Variants in EPHB1 observed in about 807,000 individuals in gnomAD.
EPHB1 encodes the protein EPH receptor B1, also known as ephrin type-B receptor 1.
A neutral mutation model predicts 94.4 loss-of-function variants in EPHB1; 30 were observed. The observed-to-expected ratio is 0.32, with a 90% CI of 0.24 to 0.43. The LOEUF is 0.43. EPHB1 is among the 20% of genes least tolerant of loss of function. EPHB1 has a pLI of 1.00. For synonymous variants in EPHB1, 522 were observed against 489.1 expected (o/e 1.07, Z -0.89); for missense variants, 1,055 against 1,308.3 (o/e 0.81, Z 2.99).
chr3:134,903,647 G>T (rs1299996731), intron 1 of EPHB1, among the ~76,000 whole-genome samples: 4 of 152,114 alleles, frequency 2.6e-5, no homozygotes, highest in Non-Finnish European at 1.5e-5. Context: ...GACTGTGTAC[G>T]CCTGGACCAG....
At chr3:134,799,757 T>C (rs910438249) in intron 1 of EPHB1, among the ~76,000 whole-genome samples, 9 of 152,206 alleles carry the variant, frequency 5.9e-5, no homozygotes, top group Admixed American at 2.0e-4. Context: ...GCCCCTACTT[T>C]GTTTTTTCAC....
At chr3:135,220,489 T>C (rs1014151433) in intron 12 of EPHB1, among the ~76,000 whole-genome samples, 1 of 151,200 alleles carries the variant, frequency 6.6e-6, no homozygotes, top group Non-Finnish European at 1.5e-5. Context: ...GGGCGTTTGA[T>C]AAAAAGAAAA....
intron 2 of EPHB1, among the ~76,000 whole-genome samples, chr3:134,929,783 G>T (rs2107704141): frequency 6.6e-6 from 1 of 152,292 alleles, no homozygotes; most frequent in East Asian, 1.9e-4. Flanking sequence ...AGTGGTTCAT[G>T]GTGTGAGCTG....
chr3:135,122,038 G>A (rs1259131323), intron 4 of EPHB1, among the ~76,000 whole-genome samples: 2 of 152,132 alleles, frequency 1.3e-5, no homozygotes, highest in African/African-American at 4.8e-5. Flanking sequence ...TCCAGGCTCA[G>A]GGGGATAGAT....
intron 1 of EPHB1, among the ~76,000 whole-genome samples, chr3:134,813,852 A>T (rs543812013): frequency 6.6e-5 from 10 of 152,354 alleles, no homozygotes; most frequent in African/African-American, 2.2e-4. Context: ...CAAAGGCTGC[A>T]GTGGTACCAT....
intron 1 of EPHB1, among the ~76,000 whole-genome samples, chr3:134,866,201 T>A (rs1230790089): frequency 2.6e-5 from 4 of 152,230 alleles, no homozygotes. Flanking sequence ...GAAGTCTGCT[T>A]CTGTCTACCT....
intron 1 of EPHB1, among the ~76,000 whole-genome samples, chr3:134,873,293 G>A (rs2037541676): frequency 1.3e-5 from 2 of 152,160 alleles, no homozygotes; most frequent in Non-Finnish European, 2.9e-5. Context: ...ACATCTTGCT[G>A]CTCTGAGTGC....
intron 12 of EPHB1, among the ~76,000 whole-genome samples, chr3:135,222,637 A>G (rs923193295): frequency 6.6e-6 from 1 of 152,194 alleles, no homozygotes; most frequent in East Asian, 1.9e-4. Context: ...GGGAGTAAAC[A>G]TGAGGAAATG....
intron 1 of EPHB1, among the ~76,000 whole-genome samples, chr3:134,866,463 C>T (rs1157701085): frequency 2.6e-5 from 4 of 152,296 alleles, no homozygotes; most frequent in East Asian, 1.9e-4. Context: ...GTACCTGCTG[C>T]CTGCTGCCCC....
intron 10 of EPHB1, among the ~76,000 whole-genome samples, chr3:135,191,437 A>T (rs1942453804): frequency 6.6e-6 from 1 of 152,232 alleles, no homozygotes; most frequent in Non-Finnish European, 1.5e-5. Flanking sequence ...CAAGTAATTT[A>T]TCTGATTGCT....
chr3:135,209,835 G>A (rs1347899632), intron 12 of EPHB1, among the ~76,000 whole-genome samples: 1 of 152,160 alleles, frequency 6.6e-6, no homozygotes, highest in Non-Finnish European at 1.5e-5. Context: ...ATGGGTGGGA[G>A]AGGCACTAGT....
intron 1 of EPHB1, among the ~76,000 whole-genome samples, chr3:134,908,592 C>A (rs546967281): frequency 6.6e-6 from 1 of 152,348 alleles, no homozygotes; most frequent in African/African-American, 2.4e-5. Context: ...AGGGGCAGGG[C>A]TGGGAAAGGC....
chr3:135,154,413 G>C (rs1053924076), intron 6 of EPHB1, 137 bp downstream of exon 6: 1 of 1,268,666 alleles, frequency 7.9e-7, no homozygotes. Flanking sequence ...AAGGTCCCTG[G>C]GAGAGTTCTC....
At position 135,259,128 on chromosome 3, in the gene EPHB1, TG is replaced by T. The variant is rs1261515443; in HGVS notation, c.*9del. On this transcript the variant is annotated 3_prime_UTR_variant, in exon 16 of 16. Coordinates refer to ENST00000398015, the MANE Select transcript of EPHB1 (RefSeq NM_004441.5). The stretch of plus-strand genomic sequence containing the variant: ...CCAACGGCAATGGCATGAGAACTCT[TG>T]TTTCTTGGGGAAGGAGAGGAGGGAA... 56 of 1,598,306 alleles carry T rather than the reference TG, an allele frequency of 3.5e-5. No individual in the cohort carries two copies. The highest frequency in any genetic ancestry group is 4.4e-5 in the Non-Finnish European group (51 of 1,171,106).
intron 3 of EPHB1, among the ~76,000 whole-genome samples, chr3:134,956,424 T>G (rs1031078299): frequency 1.8e-4 from 28 of 152,154 alleles, no homozygotes; most frequent in Non-Finnish European, 3.4e-4. Flanking sequence ...GACAATGCTA[T>G]GCATAATTCT....
chr3:134,850,562 G>A (rs1054598865), intron 1 of EPHB1, among the ~76,000 whole-genome samples: 1 of 152,240 alleles, frequency 6.6e-6, no homozygotes, highest in African/African-American at 2.4e-5. Context: ...GGGTGGGGCA[G>A]AGGATGGGGA....
At position 134,877,004 on chromosome 3, in the gene EPHB1, A is replaced by G. The variant is rs564485509; in HGVS notation, c.59-48812A>G. On this transcript the variant is annotated intron_variant, in intron 1 of 15. Transcript: ENST00000398015. ...AGCTCTGAATCCTACCACACGCCCC[A>G]GGTCCTACACCCCATGGGGCCTTGG... Among the ~76,000 whole-genome samples, 4 of 152,290 alleles carry G rather than the reference A, an allele frequency of 2.6e-5. No homozygotes were observed. In the South Asian group the frequency reaches 8.3e-4, roughly 32 times the overall value.
At chr3:134,982,429 G>C (rs972762163) in intron 3 of EPHB1, among the ~76,000 whole-genome samples, 1 of 152,184 alleles carries the variant, frequency 6.6e-6, no homozygotes, top group Admixed American at 6.5e-5. Flanking sequence ...TGCAAATCTT[G>C]CCAGTGAGGT....
intron 7 of EPHB1, among the ~76,000 whole-genome samples, chr3:135,162,740 C>T (rs923836493): frequency 5.9e-5 from 9 of 152,188 alleles, no homozygotes; most frequent in African/African-American, 2.2e-4. Context: ...AGTCTATCAC[C>T]ATAAATATAC....
Sources: gnomAD v4.1 joint callset for allele counts (sites outside exome capture counted in the v4.1 genomes callset) on GRCh38, gnomAD v4.1.1 for gene constraint, MANE v1.5 for transcripts, NCBI Gene and HGNC (gene_info 2026-07-23, HGNC 2026-07-21) for gene names.